Variants in RFT1 observed in about 807,000 individuals in gnomAD.
RFT1 encodes man(5)GlcNAc(2)-PP-dolichol translocation protein RFT1.
In RFT1, 43 loss-of-function variants were observed where a neutral mutation model predicts 62.2. The ratio of observed to expected loss-of-function variants is 0.69; its 90% CI spans 0.54 to 0.89. The LOEUF is 0.89. Among genes scored for constraint, RFT1 ranks in the 40% least tolerant of loss-of-function variants. The pLI, the probability that RFT1 is intolerant of heterozygous loss-of-function variation, is 0.00. For missense variants in RFT1, 605 were observed against 649.9 expected, an observed-to-expected ratio of 0.93 and a Z score of 0.75; for synonymous variants, 262 against 264.6, an observed-to-expected ratio of 0.99 and a Z score of 0.10.
chr3:53,128,874 C>G lies in RFT1; in HGVS notation c.63+1464G>C, dbSNP rs574201729. Among the ~76,000 whole-genome samples the G allele has an allele frequency of 4.6e-5, 7 of 152,284 alleles. 1 individual carries two copies. In the South Asian group the frequency reaches 1.4e-3, roughly 32 times the overall value. On this transcript the variant is annotated intron_variant, in intron 1 of 12. Transcript: ENST00000296292. The stretch of plus-strand genomic sequence containing the variant: ...TTAAATTATTTGACACTAAAAACAA[C>G]GAGGTAAATGCACAGGAAGCAAGAC...
Position 53,088,651 on chromosome 3 carries a change from G to A in RFT1, c.*3252C>T, listed in dbSNP as rs1482072168. 6.6e-6 allele frequency: 1 copy of A among 151,868 alleles called. No individual in the cohort carries two copies. Among genetic ancestry groups the A allele is most frequent in the Non-Finnish European group, 1.5e-5 (1 of 68,010 alleles). 9.4% of individuals were successfully genotyped at this position (151,868 alleles called of 1,614,324 possible). ...TTGAGCCCAGGAGTTCAAGGCAACAGTGAGATCCAGTCTCTACAAAAAAAA... is the reference window on the plus strand; with the variant it reads ...TTGAGCCCAGGAGTTCAAGGCAACAATGAGATCCAGTCTCTACAAAAAAAA... On this transcript the variant is annotated 3_prime_UTR_variant, in exon 13 of 13. Transcript: ENST00000296292.
chr3:53,128,320 T>C (rs922447794), intron 1 of RFT1, among the ~76,000 whole-genome samples: 3 of 151,780 alleles, frequency 2.0e-5, no homozygotes, highest in Non-Finnish European at 1.5e-5. Context: ...CAAAACACCA[T>C]GTGTACATAC....
intron 11 of RFT1, among the ~76,000 whole-genome samples, chr3:53,094,470 CAG>C (rs1338767812): frequency 2.0e-5 from 3 of 151,838 alleles, no homozygotes; most frequent in African/African-American, 4.8e-5. Flanking sequence ...CTTTTCAGTC[CAG>C]AGAGAGTCTC....
At chr3:53,128,638 G>A (rs919376010) in intron 1 of RFT1, among the ~76,000 whole-genome samples, 1 of 152,136 alleles carries the variant, frequency 6.6e-6, no homozygotes, top group Non-Finnish European at 1.5e-5. Flanking sequence ...AGCCTCCTGA[G>A]TAGCTGGGAC....
intron 6 of RFT1, among the ~76,000 whole-genome samples, chr3:53,117,379 G>A (rs956459300): frequency 1.3e-5 from 2 of 152,142 alleles, no homozygotes; most frequent in Non-Finnish European, 2.9e-5. Flanking sequence ...GGTCTGGGGA[G>A]AGTCCCACAG....
In RFT1 at chr3:53,089,720, G is replaced by C. The variant is rs1018809172; in HGVS notation, c.*2183C>G. On this transcript the variant is annotated 3_prime_UTR_variant, in exon 13 of 13. Transcript: ENST00000296292. ...ACATGTACAACTCTCCCTAGATACA[G>C]GGAAGCAGGACACCGGAAGAAGCCC... is the stretch of plus-strand genomic sequence containing the variant. 4 of 152,374 alleles carry C rather than the reference G, an allele frequency of 2.6e-5. No homozygotes were observed. Among genetic ancestry groups the C allele is most frequent in the African/African-American group, 9.6e-5 (4 of 41,470 alleles). 9.4% of individuals were successfully genotyped at this position (152,374 alleles called of 1,614,324 possible). A position where few individuals can be genotyped will look rare whatever the true frequency, so the allele number is the denominator to read the frequency against.
chr3:53,120,582 C>T (rs1407797780), intron 5 of RFT1, among the ~76,000 whole-genome samples: 1 of 152,194 alleles, frequency 6.6e-6, no homozygotes, highest in African/African-American at 2.4e-5. Flanking sequence ...CCCCTCCCTC[C>T]ACCCATCCAG....
Position 53,091,858 on chromosome 3 carries a change from C to T in RFT1, c.*45G>A, listed in dbSNP as rs771958164. On this transcript the variant is annotated 3_prime_UTR_variant, in exon 13 of 13. Coordinates refer to ENST00000296292, the MANE Select transcript of RFT1 (RefSeq NM_052859.4). The stretch of plus-strand genomic sequence containing the variant: ...AGAATGTGTTCCACCCACAGAACTA[C>T]CCATAGCTGGTCCAGGTGCCTCGGG... The T allele has an allele frequency of 5.0e-6, 8 of 1,602,174 alleles. No homozygotes were observed. Among genetic ancestry groups the T allele is most frequent in the Non-Finnish European group, 6.8e-6 (8 of 1,170,044 alleles).
At chr3:53,075,085 G>A in the RFT1 span, among the ~76,000 whole-genome samples, 2 of 152,000 alleles carry the variant, frequency 1.3e-5, no homozygotes, top group African/African-American at 2.4e-5. Context: ...GGTGTATGTC[G>A]GGCCTGACCC....
Position 53,105,896 on chromosome 3 carries a change from G to A in RFT1, c.827-93C>T, listed in dbSNP as rs535824068. On this transcript the variant is annotated intron_variant, in intron 8 of 12. Transcript: ENST00000296292. ...AAAATTATTTAATATTTTCATTAAA[G>A]TTTGTTTATCTTGAGATAATTATAG... 5.0e-6 allele frequency: 6 copies of A among 1,200,762 alleles called. No homozygotes were observed. The African/African-American group carries it at 6.2e-5, about 12-fold the overall frequency. 74.4% of individuals were successfully genotyped at this position (1,200,762 alleles called of 1,614,324 possible).
rs141793370 is a variant in RFT1 at position 53,120,001 on chromosome 3, C to A, written c.579G>T (p.Leu193=). ...SLAQLFYTTV[L]VLCYVIYFTK... is the part of the protein sequence containing the mutation. ...TGAAATAAATAACATAGCAGAGCAC[C>A]AGAACTGTGGTATAGAAAAGCTGAG... is the stretch of plus-strand genomic sequence containing the variant. The change falls in exon 6 of 13, where the codon CTG becomes CTT. Residue 193 remains leucine (L), a synonymous_variant. Coordinates refer to ENST00000296292, the MANE Select transcript of RFT1 (RefSeq NM_052859.4). 1.5e-5 allele frequency: 24 copies of A among 1,603,966 alleles called. No homozygotes were observed. The African/African-American group carries it at 3.0e-4, about 20-fold the overall frequency.
the RFT1 span, among the ~76,000 whole-genome samples, chr3:53,071,888 C>T: frequency 6.6e-6 from 1 of 152,222 alleles, no homozygotes; most frequent in Non-Finnish European, 1.5e-5. Context: ...CCTCCCGTGA[C>T]TGCAGGCACA....
At chr3:53,100,780 G>C (rs1701288230) in intron 10 of RFT1, among the ~76,000 whole-genome samples, 1 of 152,080 alleles carries the variant, frequency 6.6e-6, no homozygotes, top group South Asian at 2.1e-4. Flanking sequence ...AGGTGGAGTG[G>C]GGTAGTTGAC....
In RFT1 at chr3:53,123,755, A is replaced by C. The variant is rs1702031685; in HGVS notation, c.235T>G (p.Trp79Gly). The C allele has an allele frequency of 1.2e-6, 2 of 1,614,128 alleles. No homozygotes were observed. Among genetic ancestry groups the C allele is most frequent in the East Asian group, 4.5e-5 (2 of 44,892 alleles). The stretch of plus-strand genomic sequence containing the variant: ...CACAGCAGGTTGAGGGTCTGGCTCC[A>C]GTCTCGCTGGGTGCCCCCACTGAGA... ...ACLSGGTQRD[W>G]SQTLNLLWLT... Residue 79 changes from tryptophan to glycine, a missense_variant, in exon 3 of 13, where the codon TGG becomes GGG. Trp to Gly is a radical substitution (Grantham distance 184). Coordinates refer to ENST00000296292, the MANE Select transcript of RFT1 (RefSeq NM_052859.4).
intron 11 of RFT1, among the ~76,000 whole-genome samples, chr3:53,093,528 C>T (rs1024446406): frequency 2.6e-5 from 4 of 152,136 alleles, no homozygotes; most frequent in African/African-American, 9.7e-5. Flanking sequence ...TTGAGGGAAC[C>T]AAACTTTTGA....
the RFT1 span, among the ~76,000 whole-genome samples, chr3:53,067,228 C>T: frequency 7.9e-5 from 12 of 152,138 alleles, no homozygotes; most frequent in Middle Eastern, 3.2e-3. Context: ...TGTCTGTAGT[C>T]CCAGCTACAA....
intron 10 of RFT1, among the ~76,000 whole-genome samples, chr3:53,102,565 G>A (rs1701347707): frequency 6.6e-6 from 1 of 152,182 alleles, no homozygotes; most frequent in African/African-American, 2.4e-5. Context: ...AGCAAAGCTA[G>A]GTGTGAGAAG....
chr3:53,082,069 G>A, the RFT1 span, among the ~76,000 whole-genome samples: 1 of 152,120 alleles, frequency 6.6e-6, no homozygotes, highest in East Asian at 1.9e-4. Context: ...TCAGCCTCCT[G>A]AGTAGCTGGG....
chr3:53,111,933 A>AAAAAC, intron 6 of RFT1, 25 bp from the exon 7 acceptor site: 1 of 1,576,790 alleles, frequency 6.3e-7, no homozygotes, highest in East Asian at 2.2e-5. Context: ...AAAACAAAAC[A>AAAAAC]AAAACATCAC....
Sources: gnomAD v4.1 joint callset for allele counts (sites outside exome capture counted in the v4.1 genomes callset) on GRCh38, gnomAD v4.1.1 for gene constraint, MANE v1.5 for transcripts, NCBI Gene and HGNC (gene_info 2026-07-23, HGNC 2026-07-21) for gene names.